GPR158: variants seen among roughly 807,000 people sequenced by gnomAD.
GPR158 encodes metabotropic glycine receptor.
Under a neutral mutation model 78.2 loss-of-function variants are expected in GPR158, and 30 were observed. The ratio of observed to expected loss-of-function variants is 0.38; its 90% CI spans 0.29 to 0.52. GPR158 has a LOEUF of 0.52. GPR158 is among the 20% of genes least tolerant of loss of function. GPR158 has a pLI of 0.83. For synonymous variants in GPR158, 581 were observed against 591.1 expected, an observed-to-expected ratio of 0.98 and a Z score of 0.25; for missense variants, 1,463 against 1,523.5, an observed-to-expected ratio of 0.96 and a Z score of 0.66.
chr10:25,481,816 C>T (rs1044130232), intron 5 of GPR158, among the ~76,000 whole-genome samples: 1 of 152,102 alleles, frequency 6.6e-6, no homozygotes, highest in Non-Finnish European at 1.5e-5. Flanking sequence ...TTATAGTAGC[C>T]ATCCATATGA....
chr10:25,506,143 C>T (rs993514671), intron 5 of GPR158, among the ~76,000 whole-genome samples: 7 of 152,160 alleles, frequency 4.6e-5, no homozygotes, highest in African/African-American at 1.7e-4. Flanking sequence ...TGCTATAATC[C>T]CACCATAGCC....
intron 5 of GPR158, among the ~76,000 whole-genome samples, chr10:25,546,624 C>A (rs1836665624): frequency 6.6e-6 from 1 of 152,090 alleles, no homozygotes; most frequent in Non-Finnish European, 1.5e-5. Context: ...TTCCTTTCAT[C>A]CAAGAAATAT....
At chr10:25,300,061 T>G (rs1179376508) in intron 2 of GPR158, among the ~76,000 whole-genome samples, 1 of 152,178 alleles carries the variant, frequency 6.6e-6, no homozygotes, top group Non-Finnish European at 1.5e-5. Flanking sequence ...CCCAGCCCTA[T>G]ATCAGTTTTC....
At chr10:25,532,189 T>A (rs1836432603) in intron 5 of GPR158, among the ~76,000 whole-genome samples, 1 of 152,200 alleles carries the variant, frequency 6.6e-6, no homozygotes, top group Non-Finnish European at 1.5e-5. Flanking sequence ...CATGAATCTT[T>A]GGACCCTAAA....
chr10:25,472,030 C>T (rs1202834567), intron 5 of GPR158, among the ~76,000 whole-genome samples: 1 of 152,108 alleles, frequency 6.6e-6, no homozygotes, highest in African/African-American at 2.4e-5. Flanking sequence ...GACATGAAGT[C>T]CTTGCCCATG....
At chr10:25,567,443 GGATCTAA>G (rs1283830579) in intron 6 of GPR158, among the ~76,000 whole-genome samples, 3 of 152,088 alleles carry the variant, frequency 2.0e-5, no homozygotes, top group Non-Finnish European at 4.4e-5. Flanking sequence ...GGTCTGGGTG[GGATCTAA>G]GAGTTCTCAT....
intron 2 of GPR158, among the ~76,000 whole-genome samples, chr10:25,295,335 C>T (rs959057779): frequency 1.3e-5 from 2 of 152,194 alleles, no homozygotes; most frequent in African/African-American, 4.8e-5. Flanking sequence ...AAAGTCTGTT[C>T]ACCCATCAGC....
chr10:25,452,763 TATTA>T (rs1027051646), intron 4 of GPR158, among the ~76,000 whole-genome samples: 9 of 152,232 alleles, frequency 5.9e-5, no homozygotes, highest in East Asian at 1.9e-4. Context: ...ATACATTGCT[TATTA>T]ATTATCAAAA....
chr10:25,566,767 G>A (rs946732397), intron 6 of GPR158, among the ~76,000 whole-genome samples: 1 of 151,626 alleles, frequency 6.6e-6, no homozygotes, highest in Non-Finnish European at 1.5e-5. Context: ...GTCTTTTTAG[G>A]TGTTTATCTA....
At position 25,495,149 on chromosome 10, in the gene GPR158, C is replaced by CTTT. The variant is rs1302799395; in HGVS notation, c.1404+28443_1404+28445dup. ...TTTAGAGATAGGTATAATCCACTAA[C>CTTT]TTTTTTTTTTTTTTTAGATATATAA... On this transcript the variant is annotated intron_variant, in intron 5 of 10. Transcript: ENST00000376351. Among the ~76,000 whole-genome samples the CTTT allele has an allele frequency of 9.6e-4, 132 of 137,846 alleles. 1 individual carries two copies. The highest frequency in any genetic ancestry group is 3.3e-3 in the African/African-American group (127 of 37,936). The allele number at this position is 137,846 out of a possible 152,430, so 90.4% of individuals were successfully genotyped here. A position where few individuals can be genotyped will look rare whatever the true frequency, so the allele number is the denominator to read the frequency against.
At chr10:25,343,389 T>G (rs1278185367) in intron 2 of GPR158, among the ~76,000 whole-genome samples, 1 of 152,026 alleles carries the variant, frequency 6.6e-6, no homozygotes, top group African/African-American at 2.4e-5. Context: ...CTATATCTCT[T>G]ACTATTGTGT....
At chr10:25,272,799 A>G (rs531808530) in intron 2 of GPR158, among the ~76,000 whole-genome samples, 2 of 152,338 alleles carry the variant, frequency 1.3e-5, no homozygotes, top group African/African-American at 4.8e-5. Flanking sequence ...GCAAAGAAAT[A>G]GAACAGCAAA....
At chr10:25,486,564 G>GT (rs1404955159) in intron 5 of GPR158, among the ~76,000 whole-genome samples, 5 of 152,156 alleles carry the variant, frequency 3.3e-5, no homozygotes, top group African/African-American at 1.2e-4. Context: ...CTCAGCAGGT[G>GT]TAAGCATCAC....
chr10:25,403,774 A>G (rs1316406790), intron 3 of GPR158, among the ~76,000 whole-genome samples: 1 of 152,030 alleles, frequency 6.6e-6, no homozygotes, highest in Non-Finnish European at 1.5e-5. Context: ...TTAAGCATAC[A>G]TGGTTTGAGA....
chr10:25,422,910 G>A (rs561790791), intron 4 of GPR158, among the ~76,000 whole-genome samples: 32 of 136,002 alleles, frequency 2.4e-4, no homozygotes, highest in East Asian at 8.5e-4. Context: ...ATGCCTTTGC[G>A]TCCTCATAGC....
At chr10:25,475,991 G>T (rs948731190) in intron 5 of GPR158, 1 of 152,068 alleles carries the variant, frequency 6.6e-6, no homozygotes, top group African/African-American at 2.4e-5. Flanking sequence ...GACTACAGAC[G>T]ATTTCATAAC....
At chr10:25,470,110 A>T (rs1437995300) in intron 5 of GPR158, among the ~76,000 whole-genome samples, 1 of 150,758 alleles carries the variant, frequency 6.6e-6, no homozygotes, top group Non-Finnish European at 1.5e-5. Flanking sequence ...GTATAACATC[A>T]TTTTCTAATC....
At chr10:25,280,707 TTATGTATGTATG>T (rs34530811) in intron 2 of GPR158, among the ~76,000 whole-genome samples, 44 of 151,492 alleles carry the variant, frequency 2.9e-4, no homozygotes, top group African/African-American at 8.0e-4. Context: ...TCAACACATT[TTATGTATGTATG>T]TATGTATGTA....
rs960708418 is a variant in GPR158 at position 25,200,900 on chromosome 10, G to T, written c.903-20152G>T. ...TTTTTTTTTTTTTCAGTACCATGCT[G>T]TTTTGGTTACTGTAGCCAAGTATTG... On this transcript the variant is annotated intron_variant, in intron 1 of 10. Transcript: ENST00000376351. Among the ~76,000 whole-genome samples the T allele has an allele frequency of 3.0e-4, 36 of 120,964 alleles. No homozygotes were observed. The East Asian group carries it at 5.3e-3, about 18-fold the overall frequency. The allele number at this position is 120,964 out of a possible 152,430, so 79.4% of individuals were successfully genotyped here.
Sources: allele counts gnomAD v4.1 joint callset (sites outside exome capture counted in the v4.1 genomes callset), GRCh38; gene constraint gnomAD v4.1.1; transcripts MANE v1.5; gene names NCBI Gene and HGNC (gene_info 2026-07-23, HGNC 2026-07-21).